Variants in PREX1 observed in about 807,000 individuals in gnomAD.
PREX1 encodes the protein phosphatidylinositol 3,4,5-trisphosphate-dependent Rac exchanger 1 protein.
Under a neutral mutation model 198.3 loss-of-function variants are expected in PREX1, and 41 were observed. That is an observed-to-expected ratio of 0.21 (90% CI 0.16 to 0.27). The LOEUF (loss-of-function observed/expected upper bound fraction) is 0.27, where lower values mean the gene tolerates loss of function less well. PREX1 is among the 10% of genes least tolerant of loss of function. PREX1 has a pLI of 1.00. For synonymous variants in PREX1, 843 were observed against 887.2 expected, an observed-to-expected ratio of 0.95 and a Z score of 0.89; for missense variants, 1,620 against 2,200.7, an observed-to-expected ratio of 0.74 and a Z score of 5.28.
intron 6 of PREX1, among the ~76,000 whole-genome samples, chr20:48,705,904 G>A (rs1255623390): frequency 6.6e-6 from 1 of 152,148 alleles, no homozygotes; most frequent in Non-Finnish European, 1.5e-5. Context: ...ACTCGAGGCA[G>A]GGCAAACTTA....
chr20:48,720,237 C>T lies in PREX1; in HGVS notation c.621+6053G>A, dbSNP rs555368328. Among the ~76,000 whole-genome samples, 9 of 152,314 alleles carry T rather than the reference C, an allele frequency of 5.9e-5. No individual in the cohort carries two copies. The South Asian group carries it at 6.2e-4, about 11-fold the overall frequency. ...GCAACCCCCTGAGTGACTCCTGGTC[C>T]TTACTGATCTTCTGAACCTGATATT... On this transcript the variant is annotated intron_variant, in intron 5 of 39. Transcript: ENST00000371941.
At chr20:48,845,292 T>C in the PREX1 span, among the ~76,000 whole-genome samples, 2 of 152,076 alleles carry the variant, frequency 1.3e-5, no homozygotes, top group African/African-American at 4.8e-5. Flanking sequence ...GATGTTCTCA[T>C]AGAAAAATAC....
chr20:48,702,758 G>A (rs2089882096), intron 6 of PREX1, among the ~76,000 whole-genome samples: 1 of 152,244 alleles, frequency 6.6e-6, no homozygotes, highest in Non-Finnish European at 1.5e-5. Flanking sequence ...GAACAGCGTT[G>A]CAACGCTAAT....
chr20:48,882,274 A>G, the PREX1 span, among the ~76,000 whole-genome samples: 396 of 151,840 alleles, frequency 2.6e-3, 4 homozygotes, highest in African/African-American at 9.3e-3. Flanking sequence ...AGGCGGAGGC[A>G]GGCGGATCAC....
upstream of PREX1, among the ~76,000 whole-genome samples, chr20:48,832,950 C>T (rs1380901148): frequency 3.9e-5 from 6 of 152,196 alleles, no homozygotes; most frequent in East Asian, 1.9e-4. Flanking sequence ...CCAACATGCA[C>T]GACTTCTTCT....
chr20:48,807,748 C>A (rs2090418238), intron 1 of PREX1, among the ~76,000 whole-genome samples: 1 of 152,146 alleles, frequency 6.6e-6, no homozygotes, highest in South Asian at 2.1e-4. Flanking sequence ...CAGCGCTGGG[C>A]ATTATGCCTC....
At chr20:48,650,297 G>T in intron 23 of PREX1, 91 bp from the exon 24 acceptor site, 1 of 1,283,320 alleles carries the variant, frequency 7.8e-7, no homozygotes. Flanking sequence ...CCTGGCCTAG[G>T]CCAGATGCCC....
At chr20:48,632,158 AGAAAGGGTGTGCGGCCCACTGCCCAT>A in intron 35 of PREX1, 93 bp downstream of exon 35, 2 of 921,166 alleles carry the variant, frequency 2.2e-6, no homozygotes, top group Non-Finnish European at 3.5e-6. Flanking sequence ...AAGGTGCTCA[AGAAAGGGTGTGCGGCCCACTGCCCAT>A]GCTGGGGGTC....
chr20:48,825,008 C>T (rs1698200042), intron 1 of PREX1, among the ~76,000 whole-genome samples: 1 of 152,086 alleles, frequency 6.6e-6, no homozygotes, highest in African/African-American at 2.4e-5. Context: ...AGGGAAAATC[C>T]CTTAGCAAAT....
chr20:48,790,666 G>A (rs1601137855), intron 1 of PREX1, among the ~76,000 whole-genome samples: 2 of 152,272 alleles, frequency 1.3e-5, no homozygotes, highest in Middle Eastern at 3.4e-3. Context: ...GGTGAAGGGA[G>A]GCAGAGAAAG....
chr20:48,786,825 G>A (rs1435793787), intron 1 of PREX1, among the ~76,000 whole-genome samples: 1 of 35,910 alleles, frequency 2.8e-5, no homozygotes, highest in African/African-American at 1.3e-4. Flanking sequence ...GAAAAAGAGA[G>A]AGAGAGAAAG....
intron 4 of PREX1, among the ~76,000 whole-genome samples, chr20:48,730,838 A>T (rs886745374): frequency 6.6e-6 from 1 of 152,068 alleles, no homozygotes; most frequent in Non-Finnish European, 1.5e-5. Context: ...CCACAAAAAA[A>T]AAATTAAAAA....
Position 48,650,209 on chromosome 20 carries a change from G to A in PREX1, c.2818-3C>T. The A allele has an allele frequency of 6.2e-7, 1 of 1,607,538 alleles. No homozygotes were observed. On this transcript the variant is annotated splice_polypyrimidine_tract_variant and splice_region_variant and intron_variant, in intron 23 of 39. Transcript: ENST00000371941. Reference sequence around the variant, plus strand: ...CTGCTCTTCAGTTGGGCTGCAAACTGAGAAAGTGGAGGCCGTAAGGTCGTG... The same window carrying A: ...CTGCTCTTCAGTTGGGCTGCAAACTAAGAAAGTGGAGGCCGTAAGGTCGTG...
In PREX1 at chr20:48,776,664, T is replaced by C. The variant is rs140757522; in HGVS notation, c.220-28784A>G. On this transcript the variant is annotated intron_variant, in intron 1 of 39. Coordinates refer to ENST00000371941, the MANE Select transcript of PREX1 (RefSeq NM_020820.4). ...TGCTCTCTGCCTGGAAACTACTTAG[T>C]GTCCAGTCACTGAGGTATTTGCTCC... Among the ~76,000 whole-genome samples the C allele has an allele frequency of 1.4e-3, 211 of 152,314 alleles. 4 individuals are homozygous for C. Among genetic ancestry groups the C allele is most frequent in the East Asian group, 0.013 (66 of 5,186 alleles).
At chr20:48,642,041 G>A (rs1239370979) in intron 29 of PREX1, 127 bp downstream of exon 29, 21 of 939,384 alleles carry the variant, frequency 2.2e-5, no homozygotes, top group Non-Finnish European at 3.3e-5. Flanking sequence ...GGCTAAAATC[G>A]CTGTCCTGAT....
chr20:48,851,470 G>T, the PREX1 span, among the ~76,000 whole-genome samples: 2 of 152,112 alleles, frequency 1.3e-5, no homozygotes, highest in Admixed American at 1.3e-4. Context: ...TCACGCCATT[G>T]CACTCCAGCA....
Position 48,652,553 on chromosome 20 carries a change from G to A in PREX1, c.2467+33C>T, listed in dbSNP as rs200507917. 12 of 1,573,890 alleles carry A rather than the reference G, an allele frequency of 7.6e-6. No homozygotes were observed. The South Asian group carries it at 1.1e-4, about 14-fold the overall frequency. ...CCCCTCCGGAGTCTCAGTCCCTCTG[G>A]AAGCTCCTGTCATGCCATGCCCCGT... is the stretch of plus-strand genomic sequence containing the variant. On this transcript the variant is annotated intron_variant, in intron 21 of 39. Coordinates refer to ENST00000371941, the MANE Select transcript of PREX1 (RefSeq NM_020820.4).
intron 4 of PREX1, among the ~76,000 whole-genome samples, chr20:48,727,944 G>C (rs2029887747): frequency 6.6e-6 from 1 of 152,142 alleles, no homozygotes; most frequent in Non-Finnish European, 1.5e-5. Context: ...GTGTTTCCCT[G>C]CCATGCCCTT....
intron 5 of PREX1, among the ~76,000 whole-genome samples, chr20:48,709,058 C>CA (rs920292358): frequency 2.6e-5 from 4 of 152,182 alleles, no homozygotes; most frequent in African/African-American, 9.7e-5. Flanking sequence ...CCCCTCAACT[C>CA]AGACGCAGGC....
Sources: allele counts gnomAD v4.1 joint callset (sites outside exome capture counted in the v4.1 genomes callset), GRCh38; gene constraint gnomAD v4.1.1; transcripts MANE v1.5; gene names NCBI Gene and HGNC (gene_info 2026-07-23, HGNC 2026-07-21).